Variants in PATJ observed in about 807,000 individuals in gnomAD.
The protein encoded by PATJ is PATJ crumbs cell polarity complex component.
Under a neutral mutation model 224.9 loss-of-function variants are expected in PATJ, and 190 were observed. The ratio of observed to expected loss-of-function variants is 0.84; its 90% CI spans 0.75 to 0.95. PATJ has a LOEUF of 0.95. Among genes scored for constraint, PATJ ranks in the 40% least tolerant of loss-of-function variants. The pLI, the probability that PATJ is intolerant of heterozygous loss-of-function variation, is 0.00. For missense variants in PATJ, 2,121 were observed against 2,270.3 expected (o/e 0.93, Z 1.34); for synonymous variants, 769 against 820.3 (o/e 0.94, Z 1.07).
In PATJ at chr1:61,990,261, G is replaced by A; in HGVS notation, c.3764G>A (p.Gly1255Asp). The A allele has an allele frequency of 6.2e-7, 1 of 1,614,024 alleles. No homozygotes were observed. The highest frequency in any genetic ancestry group is 1.1e-5 in the South Asian group (1 of 91,038). Residue 1255 changes from glycine (G) to aspartate (D), a missense_variant, in exon 28 of 44, where the codon GGT (glycine) becomes GAT (aspartate). Gly to Asp is a moderately conservative substitution (Grantham distance 94). Coordinates refer to ENST00000642238, the MANE Select transcript of PATJ (RefSeq NM_001350145.3). Reference sequence around the variant, plus strand: ...AATGGACTTGGACTCAGCCTTGCTGGTAATAAAGACCGATCACGCATGAGC... The same window carrying A: ...AATGGACTTGGACTCAGCCTTGCTGATAATAAAGACCGATCACGCATGAGC... ...DKNGLGLSLA[G>D]NKDRSRMSIF... is the part of the protein sequence containing the mutation.
chr1:61,908,291 A>G (rs1571230670), intron 24 of PATJ, 81 bp from the exon 25 acceptor site: 2 of 888,370 alleles, frequency 2.3e-6, no homozygotes, highest in Non-Finnish European at 3.7e-6. Flanking sequence ...TTATAACTAG[A>G]TAATGCACAT....
intron 29 of PATJ, among the ~76,000 whole-genome samples, chr1:62,033,215 A>G (rs1202587018): frequency 6.6e-6 from 1 of 152,208 alleles, no homozygotes; most frequent in Non-Finnish European, 1.5e-5. Flanking sequence ...TTTTGTGTAC[A>G]TAGTATAAAT....
At chr1:61,763,976 CTTTTTTTGTGTGTGTGTGTGGTCTT>C (rs1339563881) in intron 3 of PATJ, among the ~76,000 whole-genome samples, 4 of 149,852 alleles carry the variant, frequency 2.7e-5, no homozygotes, top group East Asian at 3.9e-4. Context: ...CTTATGAAGT[CTTTTTTTGTGTGTGTGTGTGGTCTT>C]TTTTTTTGTG....
rs1302323946 is a variant in PATJ, at chr1:62,153,229, TTGATC to T, written c.5379-124_5379-120del. The T allele has an allele frequency of 9.9e-6, 6 of 606,538 alleles. No homozygotes were observed. The East Asian group carries it at 2.1e-4, about 21-fold the overall frequency. 37.6% of individuals were successfully genotyped at this position (606,538 alleles called of 1,614,324 possible). A position where few individuals can be genotyped will look rare whatever the true frequency, so the allele number is the denominator to read the frequency against. ...ACTTTCTAGATTGCTTTCTGAGAGTTTGATCTGATAAACCAAACTTCATAGTTTTG... is the reference window on the plus strand; with the variant it reads ...ACTTTCTAGATTGCTTTCTGAGAGTTTGATAAACCAAACTTCATAGTTTTG... On this transcript the variant is annotated intron_variant, in intron 42 of 43. Coordinates refer to ENST00000642238, the MANE Select transcript of PATJ (RefSeq NM_001350145.3).
intron 31 of PATJ, among the ~76,000 whole-genome samples, chr1:62,051,768 C>T (rs935588680): frequency 3.9e-5 from 6 of 152,188 alleles, no homozygotes; most frequent in African/African-American, 1.4e-4. Flanking sequence ...TATCCAGGGG[C>T]TAGGGCATTA....
chr1:62,037,641 T>A (rs1650685017), intron 29 of PATJ, among the ~76,000 whole-genome samples: 1 of 152,110 alleles, frequency 6.6e-6, no homozygotes, highest in Non-Finnish European at 1.5e-5. Context: ...ATTTGAAAAA[T>A]TTATACTCTG....
intron 1 of PATJ, among the ~76,000 whole-genome samples, chr1:61,752,311 C>CTTTTTTT (rs370759266): frequency 8.1e-5 from 10 of 124,018 alleles, no homozygotes; most frequent in South Asian, 5.1e-4. Context: ...TCATTTCTTT[C>CTTTTTTT]TTTTTTTTTT....
chr1:62,072,438 A>G (rs1657582077), intron 31 of PATJ: 1 of 152,232 alleles, frequency 6.6e-6, no homozygotes. Context: ...TGACCATCAA[A>G]GGATATCTGG....
chr1:61,868,843 ACTT>A (rs1229128107), intron 20 of PATJ, among the ~76,000 whole-genome samples: 4 of 152,016 alleles, frequency 2.6e-5, no homozygotes, highest in African/African-American at 9.7e-5. Flanking sequence ...CGGAGAAAAA[ACTT>A]CTCCTCTACC....
At chr1:61,994,701 C>G (rs1645258267) in intron 28 of PATJ, among the ~76,000 whole-genome samples, 1 of 152,192 alleles carries the variant, frequency 6.6e-6, no homozygotes, top group African/African-American at 2.4e-5. Context: ...ATTACAGGTG[C>G]ATGCCACCAC....
At chr1:61,809,784 A>G (rs1345424140) in intron 14 of PATJ, among the ~76,000 whole-genome samples, 1 of 151,520 alleles carries the variant, frequency 6.6e-6, no homozygotes, top group Non-Finnish European at 1.5e-5. Context: ...TTTGTAATCA[A>G]TATTTATCTT....
At chr1:62,099,529 A>G (rs1488871632) in intron 33 of PATJ, among the ~76,000 whole-genome samples, 1 of 151,524 alleles carries the variant, frequency 6.6e-6, no homozygotes, top group East Asian at 1.9e-4. Context: ...GTCCCTTAGG[A>G]TTTTTTTTGT....
chr1:61,816,235 T>C (rs1656079962), intron 14 of PATJ, among the ~76,000 whole-genome samples: 1 of 152,218 alleles, frequency 6.6e-6, no homozygotes, highest in African/African-American at 2.4e-5. Context: ...TACTGTTCAG[T>C]TACCAGGGCC....
In PATJ at chr1:61,990,148, TA is replaced by T. The variant is rs752936893; in HGVS notation, c.3671-13del. 7.1e-6 allele frequency: 11 copies of T among 1,545,436 alleles called. No individual in the cohort carries two copies. The African/African-American group carries it at 9.9e-5, about 14-fold the overall frequency. ...CAGATCAAGCTACTCTATTTAATTT[TA>T]AAAAAATTCTTTTAATAGAAAAAAT... On this transcript the variant is annotated intron_variant, in intron 27 of 43. Transcript: ENST00000642238.
chr1:61,871,412 T>C (rs1302201689), intron 20 of PATJ, among the ~76,000 whole-genome samples: 25 of 103,120 alleles, frequency 2.4e-4, no homozygotes, highest in African/African-American at 6.4e-4. Flanking sequence ...TGTATATATA[T>C]ACATATATAT....
intron 41 of PATJ, among the ~76,000 whole-genome samples, chr1:62,147,517 G>T (rs1227555964): frequency 6.6e-6 from 1 of 152,146 alleles, no homozygotes; most frequent in South Asian, 2.1e-4. Context: ...AATTAGCCAG[G>T]GCTGGGCTTG....
intron 33 of PATJ, among the ~76,000 whole-genome samples, chr1:62,085,000 G>A (rs532670326): frequency 4.4e-4 from 67 of 151,990 alleles, no homozygotes; most frequent in Non-Finnish European, 8.4e-4. Flanking sequence ...AGTGGCTCAC[G>A]CCTGTAATCC....
chr1:61,903,684 T>C (rs561229111), intron 24 of PATJ, among the ~76,000 whole-genome samples: 1 of 152,284 alleles, frequency 6.6e-6, no homozygotes, highest in East Asian at 1.9e-4. Context: ...TTTTCTTCTG[T>C]ATTCCTATTA....
chr1:61,992,214 T>A (rs1490104989), intron 28 of PATJ, among the ~76,000 whole-genome samples: 1 of 151,390 alleles, frequency 6.6e-6, no homozygotes, highest in African/African-American at 2.4e-5. Context: ...GCCTCCCAAG[T>A]TCAAGAGATT....
Sources: allele counts gnomAD v4.1 joint callset (sites outside exome capture counted in the v4.1 genomes callset), GRCh38; gene constraint gnomAD v4.1.1; transcripts MANE v1.5; gene names NCBI Gene and HGNC (gene_info 2026-07-23, HGNC 2026-07-21).